FAM107B: variants seen among roughly 807,000 people sequenced by gnomAD.
FAM107B encodes family with sequence similarity 107 member B.
In FAM107B, 21 loss-of-function variants were observed where a neutral mutation model predicts 31.5. The ratio of observed to expected loss-of-function variants is 0.67; its 90% CI spans 0.47 to 0.96. The LOEUF (loss-of-function observed/expected upper bound fraction) is 0.96. Ranked by LOEUF, FAM107B falls within the 40% of genes least tolerant of loss-of-function variation. The probability of loss-of-function intolerance (pLI) is 0.00; values close to 1 mark genes in which losing one functional copy is unlikely to be tolerated. For missense variants in FAM107B, 452 were observed against 377.1 expected, an observed-to-expected ratio of 1.20 and a Z score of -1.64; for synonymous variants, 157 against 141.5, an observed-to-expected ratio of 1.11 and a Z score of -0.78.
At chr10:14,769,016 G>A (rs777983833) in intron 1 of FAM107B, among the ~76,000 whole-genome samples, 1 of 152,186 alleles carries the variant, frequency 6.6e-6, no homozygotes, top group African/African-American at 2.4e-5. Flanking sequence ...AACTACAGAT[G>A]TTGTCCCCAC....
At chr10:14,758,284 A>G (rs571696473) in intron 1 of FAM107B, among the ~76,000 whole-genome samples, 6 of 152,288 alleles carry the variant, frequency 3.9e-5, no homozygotes, top group African/African-American at 1.4e-4. Flanking sequence ...GAAAATTGCG[A>G]GGATAACGGA....
chr10:14,591,707 G>C lies in FAM107B; in HGVS notation c.470-61192C>G, dbSNP rs139414488. ...ACGCTCAGTTTTAGAATCACTACAC[G>C]TGAGACAGTCAGACCTTTTCCTAAG... On this transcript the variant is annotated intron_variant, in intron 2 of 4. Coordinates refer to ENST00000181796, the MANE Select transcript of FAM107B (RefSeq NM_031453.4). 2.5e-3 allele frequency among the ~76,000 whole-genome samples: 376 copies of C among 152,318 alleles called. 4 individuals are homozygous for C. Among genetic ancestry groups the C allele is most frequent in the African/African-American group, 8.7e-3 (361 of 41,564 alleles).
intron 1 of FAM107B, among the ~76,000 whole-genome samples, chr10:14,691,466 G>A (rs3107803): frequency 0.42 from 64,022 of 152,064 alleles, 13,786 homozygotes; most frequent in African/African-American, 0.5. Flanking sequence ...CGAAACTTCC[G>A]TAATCACAAA....
intron 2 of FAM107B, among the ~76,000 whole-genome samples, chr10:14,652,491 C>A (rs945317443): frequency 6.6e-6 from 1 of 152,194 alleles, no homozygotes; most frequent in African/African-American, 2.4e-5. Flanking sequence ...CTCTTTCTTG[C>A]CATGCAACCT....
At chr10:14,631,600 T>C (rs1284999950) in intron 2 of FAM107B, among the ~76,000 whole-genome samples, 2 of 152,134 alleles carry the variant, frequency 1.3e-5, no homozygotes, top group African/African-American at 4.8e-5. Flanking sequence ...GCCCCAAACC[T>C]AGCCCTGCAA....
At chr10:14,654,738 CAGTAACTA>C (rs1385623953) in intron 2 of FAM107B, among the ~76,000 whole-genome samples, 2 of 152,102 alleles carry the variant, frequency 1.3e-5, no homozygotes, top group African/African-American at 2.4e-5. Context: ...TGAAATACAC[CAGTAACTA>C]AGTAGATATG....
At chr10:14,621,903 G>C (rs1442091856) in intron 2 of FAM107B, among the ~76,000 whole-genome samples, 1 of 152,190 alleles carries the variant, frequency 6.6e-6, no homozygotes, top group Admixed American at 6.5e-5. Context: ...AGTTAAGAGA[G>C]GGTCTGCCAA....
rs574287836 is a variant in FAM107B at position 14,682,485 on chromosome 10, T to C, written c.412-14794A>G. On this transcript the variant is annotated intron_variant, in intron 1 of 4. Transcript: ENST00000181796. ...TGCAGGTTGCAGTGAACCGAGATTG[T>C]GCCACTGCATTCCAGCTTGGGCAAC... 1.5e-3 allele frequency among the ~76,000 whole-genome samples: 223 copies of C among 152,294 alleles called. 1 individual carries two copies. The highest frequency in any genetic ancestry group is 3.7e-3 in the South Asian group (18 of 4,820).
intron 3 of FAM107B, among the ~76,000 whole-genome samples, chr10:14,527,302 A>T (rs866856955): frequency 2.0e-5 from 3 of 152,220 alleles, no homozygotes; most frequent in Admixed American, 6.5e-5. Flanking sequence ...AAGACTTTTA[A>T]CCTGAAACTA....
At chr10:14,740,130 T>G (rs894312359) in intron 1 of FAM107B, among the ~76,000 whole-genome samples, 5 of 152,160 alleles carry the variant, frequency 3.3e-5, no homozygotes, top group Non-Finnish European at 7.3e-5. Context: ...TTTACCCAAA[T>G]GAATTCACAC....
intron 1 of FAM107B, among the ~76,000 whole-genome samples, chr10:14,700,357 A>G (rs1032822569): frequency 6.6e-6 from 1 of 152,202 alleles, no homozygotes; most frequent in Non-Finnish European, 1.5e-5. Flanking sequence ...TGGGCAGGAG[A>G]ACTATTCTTT....
chr10:14,653,529 G>A (rs2131451058), intron 2 of FAM107B, among the ~76,000 whole-genome samples: 1 of 152,286 alleles, frequency 6.6e-6, no homozygotes, highest in South Asian at 2.1e-4. Context: ...AAAAGCCCAT[G>A]GTTCGGGAAC....
chr10:14,724,471 G>C (rs1369583185), intron 1 of FAM107B, among the ~76,000 whole-genome samples: 1 of 152,232 alleles, frequency 6.6e-6, no homozygotes, highest in Non-Finnish European at 1.5e-5. Flanking sequence ...CTAGAAGACA[G>C]TCACCACGCT....
rs180894839 is a variant in FAM107B at position 14,721,811 on chromosome 10, T to A, written c.411+52442A>T. 3.4e-3 allele frequency among the ~76,000 whole-genome samples: 525 copies of A among 152,360 alleles called. 12 individuals are homozygous for A. The East Asian group carries it at 0.046, about 13-fold the overall frequency. ...TCTGTAGGTTGCCTGTTCACTCTGA[T>A]GGTAGTTTCTTTTGCTGTGCAGAAA... is the stretch of plus-strand genomic sequence containing the variant. On this transcript the variant is annotated intron_variant, in intron 1 of 4. Coordinates refer to ENST00000181796, the MANE Select transcript of FAM107B (RefSeq NM_031453.4).
At chr10:14,583,987 T>G (rs1244853802) in intron 2 of FAM107B, among the ~76,000 whole-genome samples, 1 of 152,174 alleles carries the variant, frequency 6.6e-6, no homozygotes, top group Non-Finnish European at 1.5e-5. Flanking sequence ...TCAGGAAGTG[T>G]GGGACTAAAA....
At chr10:14,711,834 G>C (rs186914308) in intron 1 of FAM107B, among the ~76,000 whole-genome samples, 1 of 152,284 alleles carries the variant, frequency 6.6e-6, no homozygotes, top group Admixed American at 6.5e-5. Flanking sequence ...AGTAGAGACA[G>C]GGTTTCACCA....
At chr10:14,539,189 T>C (rs1215972967) in intron 2 of FAM107B, among the ~76,000 whole-genome samples, 1 of 152,250 alleles carries the variant, frequency 6.6e-6, no homozygotes, top group East Asian at 1.9e-4. Flanking sequence ...TCTTGGCCTC[T>C]GCTCATTTTT....
At chr10:14,570,267 T>TGTGA (rs1564577352) in intron 2 of FAM107B, among the ~76,000 whole-genome samples, 8 of 151,092 alleles carry the variant, frequency 5.3e-5, no homozygotes, top group African/African-American at 2.0e-4. Flanking sequence ...TGTGTGTGTG[T>TGTGA]GTGATGTTTA....
chr10:14,737,730 G>A (rs1416899264), intron 1 of FAM107B, among the ~76,000 whole-genome samples: 2 of 147,394 alleles, frequency 1.4e-5, no homozygotes, highest in Non-Finnish European at 3.0e-5. Context: ...CGTTTCCCAG[G>A]CTTCCCTGGC....
Sources: allele counts gnomAD v4.1 joint callset (sites outside exome capture counted in the v4.1 genomes callset), GRCh38; gene constraint gnomAD v4.1.1; transcripts MANE v1.5; gene names NCBI Gene and HGNC (gene_info 2026-07-23, HGNC 2026-07-21).